ANKS1A: variants seen among roughly 807,000 people sequenced by gnomAD.
ANKS1A encodes the protein ankyrin repeat and SAM domain-containing protein 1A.
Under a neutral mutation model 120.3 loss-of-function variants are expected in ANKS1A, and 55 were observed. The ratio of observed to expected loss-of-function variants is 0.46; its 90% CI spans 0.37 to 0.57. ANKS1A has a LOEUF of 0.57. Ranked by LOEUF, ANKS1A falls within the 20% of genes least tolerant of loss-of-function variation. The pLI is 0.00. For synonymous variants in ANKS1A, 590 were observed against 604.7 expected (o/e 0.98, Z 0.36); for missense variants, 1,123 against 1,480.3 (o/e 0.76, Z 3.96).
At chr6:34,919,897 G>A (rs910918083) in intron 1 of ANKS1A, among the ~76,000 whole-genome samples, 1 of 151,970 alleles carries the variant, frequency 6.6e-6, no homozygotes, top group African/African-American at 2.4e-5. Context: ...CCCTTCCAAA[G>A]TACTCCCAGA....
At chr6:34,935,356 G>A (rs1769196423) in intron 1 of ANKS1A, among the ~76,000 whole-genome samples, 1 of 152,178 alleles carries the variant, frequency 6.6e-6, no homozygotes, top group African/African-American at 2.4e-5. Flanking sequence ...CAAAGTGCTG[G>A]GATTACAGGC....
At chr6:34,912,570 A>G (rs1409903715) in intron 1 of ANKS1A, among the ~76,000 whole-genome samples, 2 of 152,202 alleles carry the variant, frequency 1.3e-5, no homozygotes, top group African/African-American at 4.8e-5. Flanking sequence ...GGAATGAACA[A>G]CAGATTTTAT....
At chr6:35,095,647 G>GT (rs1778448372), downstream of ANKS1A, among the ~76,000 whole-genome samples, 1 of 122,334 alleles carries the variant, frequency 8.2e-6, no homozygotes, top group Non-Finnish European at 1.7e-5. Context: ...TCACTTTTGT[G>GT]TTAAAAAAAA....
At chr6:34,940,489 C>T (rs1581722886) in intron 1 of ANKS1A, among the ~76,000 whole-genome samples, 2 of 152,258 alleles carry the variant, frequency 1.3e-5, no homozygotes, top group Admixed American at 6.5e-5. Context: ...ATTTAATTTT[C>T]ATCAGTCCAT....
At chr6:35,083,616 G>A (rs1045647567) in intron 20 of ANKS1A, 113 bp downstream of exon 20, 6 of 989,776 alleles carry the variant, frequency 6.1e-6, no homozygotes, top group South Asian at 4.0e-5. Context: ...TCTCCCTAGA[G>A]GGTCCCCAGT....
Position 34,982,611 on chromosome 6 carries a change from A to G in ANKS1A, c.733-141A>G. 2 of 880,850 alleles carry G rather than the reference A, an allele frequency of 2.3e-6. No homozygotes were observed. Among genetic ancestry groups the G allele is most frequent in the Non-Finnish European group, 3.6e-6 (2 of 557,958 alleles). The allele number at this position is 880,850 out of a possible 1,614,324, so 54.6% of individuals were successfully genotyped here. Reference sequence around the variant, plus strand: ...TCGTGGTTTTGGAATCCACACAAGAAAAGCTGGAAAGATAATGACAGAGGG... The same window carrying G: ...TCGTGGTTTTGGAATCCACACAAGAGAAGCTGGAAAGATAATGACAGAGGG... On this transcript the variant is annotated intron_variant, in intron 4 of 23. Coordinates refer to ENST00000360359, the MANE Select transcript of ANKS1A (RefSeq NM_015245.3). This position sits in a 1 kb window ranked among gnomAD's most constrained non-coding sequence, Gnocchi z 4.9.
At chr6:34,968,446 T>C (rs1048410337) in intron 2 of ANKS1A, among the ~76,000 whole-genome samples, 3 of 152,122 alleles carry the variant, frequency 2.0e-5, no homozygotes, top group Non-Finnish European at 4.4e-5. Context: ...TGTTTTTGTT[T>C]TTGTTTTTGA....
At chr6:34,937,720 T>C (rs1304320877) in intron 1 of ANKS1A, among the ~76,000 whole-genome samples, 2 of 152,200 alleles carry the variant, frequency 1.3e-5, no homozygotes, top group Non-Finnish European at 2.9e-5. Flanking sequence ...ACACAAGGCA[T>C]GAAATCCTTC....
chr6:34,986,046 T>C (rs975122358), intron 8 of ANKS1A, among the ~76,000 whole-genome samples: 2 of 152,240 alleles, frequency 1.3e-5, no homozygotes, highest in Non-Finnish European at 2.9e-5. Context: ...CTAGGTTAAA[T>C]GTGCTCAGAA....
At chr6:34,967,167 G>T (rs370066201) in intron 1 of ANKS1A, 72 bp from the exon 2 acceptor site, 5 of 1,451,142 alleles carry the variant, frequency 3.4e-6, no homozygotes, top group East Asian at 2.3e-5. Flanking sequence ...TAATTAGCTA[G>T]CTATCTCTAA....
At chr6:34,975,079 T>A (rs1771486914) in intron 3 of ANKS1A, among the ~76,000 whole-genome samples, 1 of 152,226 alleles carries the variant, frequency 6.6e-6, no homozygotes, top group Non-Finnish European at 1.5e-5. Flanking sequence ...TTAGTTTAAA[T>A]GTAGTAAGAA....
chr6:35,084,038 G>C lies in ANKS1A; in HGVS notation c.2995-83G>C, dbSNP rs1304107949. ...ATGCTCTAGGCTGGGACAGAGAACA[G>C]TGACAATGGTAACAGGCTGGGGCAG... On this transcript the variant is annotated intron_variant, in intron 20 of 23. Transcript: ENST00000360359. The surrounding 1 kb of genome is among the most constrained non-coding windows in gnomAD (Gnocchi z 4.8). 4.4e-6 allele frequency: 7 copies of C among 1,573,484 alleles called. No individual in the cohort carries two copies. The highest frequency in any genetic ancestry group is 6.1e-6 in the Non-Finnish European group (7 of 1,153,720).
rs1411881462 is a variant in ANKS1A at position 35,089,811 on chromosome 6, T to C, written c.*1202T>C. The C allele has an allele frequency of 9.7e-7, 1 of 1,025,906 alleles. No homozygotes were observed. Among genetic ancestry groups the C allele is most frequent in the Non-Finnish European group, 1.2e-6 (1 of 855,130 alleles). 63.6% of individuals were successfully genotyped at this position (1,025,906 alleles called of 1,614,324 possible). On this transcript the variant is annotated 3_prime_UTR_variant, in exon 24 of 24. Coordinates refer to ENST00000360359, the MANE Select transcript of ANKS1A (RefSeq NM_015245.3). ...AAATGCAGGGGAAACTGCTGTGGAT[T>C]TGAGAGGCAAAGTTGGCTCAGCTGT...
At chr6:34,930,182 C>T (rs1361437473) in intron 1 of ANKS1A, among the ~76,000 whole-genome samples, 2 of 152,178 alleles carry the variant, frequency 1.3e-5, no homozygotes, top group Non-Finnish European at 2.9e-5. Flanking sequence ...ATATTCTGAA[C>T]TCTCTCCAAG....
At chr6:34,998,335 A>T (rs751659236) in intron 10 of ANKS1A, among the ~76,000 whole-genome samples, 61 of 92,156 alleles carry the variant, frequency 6.6e-4, no homozygotes, top group Non-Finnish European at 1.1e-3. Flanking sequence ...TAGTATAATT[A>T]AAAAAACTAC....
At chr6:35,051,182 A>C (rs1775942793) in intron 11 of ANKS1A, among the ~76,000 whole-genome samples, 1 of 152,114 alleles carries the variant, frequency 6.6e-6, no homozygotes. Context: ...TGACAGAGCA[A>C]GACCATGTCT....
Position 35,085,353 on chromosome 6 carries a change from A to G in ANKS1A, c.3133-413A>G, listed in dbSNP as rs1777906336. On this transcript the variant is annotated intron_variant, in intron 21 of 23. Coordinates refer to ENST00000360359, the MANE Select transcript of ANKS1A (RefSeq NM_015245.3). This position sits in a 1 kb window ranked among gnomAD's most constrained non-coding sequence, Gnocchi z 4.7. ...CAATCACTGTGCTGTGTAAAATCACACAAGGAAAACCACAGGGTTTATGGG... is the reference window on the plus strand; with the variant it reads ...CAATCACTGTGCTGTGTAAAATCACGCAAGGAAAACCACAGGGTTTATGGG... Among the ~76,000 whole-genome samples the G allele has an allele frequency of 1.3e-5, 2 of 152,332 alleles. No individual in the cohort carries two copies. Among genetic ancestry groups the G allele is most frequent in the South Asian group, 2.1e-4 (1 of 4,830 alleles).
At chr6:35,081,935 G>A (rs901601025) in intron 17 of ANKS1A, among the ~76,000 whole-genome samples, 1 of 152,172 alleles carries the variant, frequency 6.6e-6, no homozygotes, top group Admixed American at 6.5e-5. Context: ...CTTCACCCCT[G>A]CTTGTTTCTC....
chr6:34,908,896 A>G (rs922109225), intron 1 of ANKS1A, among the ~76,000 whole-genome samples: 10 of 152,188 alleles, frequency 6.6e-5, no homozygotes, highest in Admixed American at 2.0e-4. Context: ...TAAAGAAAAA[A>G]AAAAGAAAAA....
Sources: gnomAD v4.1 joint callset for allele counts (sites outside exome capture counted in the v4.1 genomes callset) on GRCh38, gnomAD v4.1.1 for gene constraint, Gnocchi (gnomAD v3.1) non-coding constraint, MANE v1.5 for transcripts, NCBI Gene and HGNC (gene_info 2026-07-23, HGNC 2026-07-21) for gene names.